SLC9A8: variants seen among roughly 807,000 people sequenced by gnomAD.
SLC9A8 encodes solute carrier family 9 member A8.
SLC9A8 carries 48 observed loss-of-function variants against 66.6 expected under a neutral mutation model. The observed-to-expected ratio is 0.72, with a 90% CI of 0.57 to 0.92. The LOEUF is 0.92. Ranked by LOEUF, SLC9A8 falls within the 40% of genes least tolerant of loss-of-function variation. The pLI is 0.00. For missense variants in SLC9A8, 599 were observed against 747.3 expected (o/e 0.80, Z 2.31); for synonymous variants, 274 against 282.6 (o/e 0.97, Z 0.31).
rs1482185893 is a variant in SLC9A8 at position 49,886,997 on chromosome 20, A to G, written c.1638+99A>G. On this transcript the variant is annotated intron_variant, in intron 15 of 15. Coordinates refer to ENST00000361573, the MANE Select transcript of SLC9A8 (RefSeq NM_015266.3). This position sits in a 1 kb window ranked among gnomAD's most constrained non-coding sequence, Gnocchi z 4.8. ...TGGGGTGGAGGAAGAGTGGGGAGGC[A>G]GGAAAGCTCACGTGGGCCCGCCAGG... 2.1e-6 allele frequency: 3 copies of G among 1,399,858 alleles called. No homozygotes were observed. In the African/African-American group the frequency reaches 4.3e-5, roughly 20 times the overall value. The allele number at this position is 1,399,858 out of a possible 1,614,324, so 86.7% of individuals were successfully genotyped here. A position where few individuals can be genotyped will look rare whatever the true frequency, so the allele number is the denominator to read the frequency against.
At chr20:49,861,578 G>A (rs1202247276) in intron 8 of SLC9A8, among the ~76,000 whole-genome samples, 1 of 152,080 alleles carries the variant, frequency 6.6e-6, no homozygotes, top group Non-Finnish European at 1.5e-5. Context: ...AGGCCACTGA[G>A]TGGACAACGG....
intron 2 of SLC9A8, among the ~76,000 whole-genome samples, chr20:49,821,291 T>G (rs1024560972): frequency 6.6e-6 from 1 of 152,254 alleles, no homozygotes; most frequent in African/African-American, 2.4e-5. Context: ...TTGGTCTATT[T>G]TCTGTCCACT....
At chr20:49,814,443 T>C (rs2086472773) in intron 1 of SLC9A8, among the ~76,000 whole-genome samples, 1 of 152,092 alleles carries the variant, frequency 6.6e-6, no homozygotes, top group Non-Finnish European at 1.5e-5. Flanking sequence ...CCCAGCACAG[T>C]GTGAAAGAGC....
chr20:49,847,952 C>T (rs2088076409), intron 5 of SLC9A8, among the ~76,000 whole-genome samples: 1 of 137,476 alleles, frequency 7.3e-6, no homozygotes, highest in South Asian at 2.3e-4. Flanking sequence ...TCTTGTTGCC[C>T]AGGCTGGAGT....
chr20:49,849,282 T>G (rs905645621), intron 5 of SLC9A8, among the ~76,000 whole-genome samples: 4 of 152,050 alleles, frequency 2.6e-5, no homozygotes, highest in African/African-American at 9.7e-5. Context: ...AGATTTGTCT[T>G]TTGGGAAGAT....
At chr20:49,854,310 A>C in intron 7 of SLC9A8, among the ~76,000 whole-genome samples, 1 of 151,120 alleles carries the variant, frequency 6.6e-6, no homozygotes, top group African/African-American at 2.4e-5. Flanking sequence ...CCTGCCACTC[A>C]CCCCACCCCC....
intron 9 of SLC9A8, chr20:49,863,835 G>A (rs1188399538): frequency 6.6e-6 from 1 of 152,246 alleles, no homozygotes; most frequent in East Asian, 1.9e-4. Flanking sequence ...GTCTCAGGGA[G>A]ATGGCCACCT....
At chr20:49,832,805 A>G (rs368819633) in intron 3 of SLC9A8, among the ~76,000 whole-genome samples, 1 of 152,248 alleles carries the variant, frequency 6.6e-6, no homozygotes, top group East Asian at 1.9e-4. Flanking sequence ...AAGATGTGGT[A>G]ATGTAACCGG....
intron 15 of SLC9A8, among the ~76,000 whole-genome samples, chr20:49,887,486 A>G (rs538068339): frequency 3.3e-5 from 5 of 152,306 alleles, no homozygotes; most frequent in Non-Finnish European, 7.4e-5. Flanking sequence ...TGTCCCTGAC[A>G]GCTGAGGAGA....
In SLC9A8 at chr20:49,817,454, G is replaced by GT. The variant is rs76109874; in HGVS notation, c.208+2282dup. The stretch of plus-strand genomic sequence containing the variant: ...TTTCAGAAAGTTAAAAGGTGCAACT[G>GT]TTTTTTTTTTTTTTTTTATTTCTCT... On this transcript the variant is annotated intron_variant, in intron 2 of 15. Transcript: ENST00000361573. 8.0e-3 allele frequency among the ~76,000 whole-genome samples: 1,053 copies of GT among 132,162 alleles called. 4 individuals carry two copies. The highest frequency in any genetic ancestry group is 0.019 in the African/African-American group (675 of 35,888). The allele number at this position is 132,162 out of a possible 152,430, so 86.7% of individuals were successfully genotyped here. A position where few individuals can be genotyped will look rare whatever the true frequency, so the allele number is the denominator to read the frequency against.
At chr20:49,865,412 G>GTT (rs932831055) in intron 10 of SLC9A8, among the ~76,000 whole-genome samples, 1 of 152,174 alleles carries the variant, frequency 6.6e-6, no homozygotes, top group Non-Finnish European at 1.5e-5. Context: ...CCAGTATTCA[G>GTT]TTTTTTTATG....
chr20:49,847,989 G>A (rs745829225), intron 5 of SLC9A8, among the ~76,000 whole-genome samples: 150 of 141,724 alleles, frequency 1.1e-3, no homozygotes, highest in Middle Eastern at 4.0e-3. Context: ...GGCTCACTGC[G>A]AACTCGGCTC....
intron 3 of SLC9A8, among the ~76,000 whole-genome samples, chr20:49,831,402 A>ACG (rs1022015358): frequency 2.1e-5 from 3 of 142,844 alleles, no homozygotes; most frequent in African/African-American, 7.7e-5. Flanking sequence ...ACACACACAC[A>ACG]CTCTCTCTCT....
At position 49,887,949 on chromosome 20, in the gene SLC9A8, A is replaced by C. The variant is rs2089950723; in HGVS notation, c.*13A>C. The C allele has an allele frequency of 1.9e-6, 3 of 1,605,822 alleles. No individual in the cohort carries two copies. The highest frequency in any genetic ancestry group is 2.7e-5 in the African/African-American group (2 of 74,806). On this transcript the variant is annotated 3_prime_UTR_variant, in exon 16 of 16. Transcript: ENST00000361573. ...GGAGCTGCTCTGACGCCAGGTGCCA[A>C]GGCTTCAGGCAGGCAGGCCCAGGAT... is the stretch of plus-strand genomic sequence containing the variant.
rs758421728 is a variant in SLC9A8 at position 49,812,993 on chromosome 20, C to T, written c.26+45C>T. On this transcript the variant is annotated intron_variant, in intron 1 of 15. Transcript: ENST00000361573. ...GGCGGCGGAGGCGGCGGGGCTGGGC[C>T]CCGGCGGGTGACAGCGAGCGCCTCA... The T allele has an allele frequency of 1.8e-5, 24 of 1,367,728 alleles. No individual in the cohort carries two copies. In the African/African-American group the frequency reaches 2.9e-4, roughly 17 times the overall value. The allele number at this position is 1,367,728 out of a possible 1,614,324, so 84.7% of individuals were successfully genotyped here.
At chr20:49,873,343 G>T (rs148241815) in intron 10 of SLC9A8, among the ~76,000 whole-genome samples, 1 of 151,848 alleles carries the variant, frequency 6.6e-6, no homozygotes, top group South Asian at 2.1e-4. Flanking sequence ...TTAGCTGGGC[G>T]TGGTGGTATG....
intron 10 of SLC9A8, among the ~76,000 whole-genome samples, chr20:49,873,319 C>A (rs2089283198): frequency 6.6e-6 from 1 of 151,530 alleles, no homozygotes; most frequent in Non-Finnish European, 1.5e-5. Context: ...CCCATCTCTA[C>A]AAAAATACAA....
rs745651192 is a variant in SLC9A8, at chr20:49,874,691, C to A, written c.959-14C>A. 1 of 1,490,120 alleles carries A rather than the reference C, an allele frequency of 6.7e-7. No homozygotes were observed. The highest frequency in any genetic ancestry group is 9.4e-7 in the Non-Finnish European group (1 of 1,067,150). 92.3% of individuals were successfully genotyped at this position (1,490,120 alleles called of 1,614,324 possible). A position where few individuals can be genotyped will look rare whatever the true frequency, so the allele number is the denominator to read the frequency against. On this transcript the variant is annotated splice_polypyrimidine_tract_variant and intron_variant, in intron 10 of 15. Coordinates refer to ENST00000361573, the MANE Select transcript of SLC9A8 (RefSeq NM_015266.3). Reference sequence around the variant, plus strand: ...ACACGGCAGTGCTTTCTGTTCTGTTCTCTCCCTCTCTAGGCATCATGGCCA... The same window carrying A: ...ACACGGCAGTGCTTTCTGTTCTGTTATCTCCCTCTCTAGGCATCATGGCCA...
intron 4 of SLC9A8, among the ~76,000 whole-genome samples, chr20:49,843,332 T>A (rs1264231042): frequency 1.3e-5 from 2 of 152,152 alleles, no homozygotes; most frequent in Non-Finnish European, 2.9e-5. Context: ...AATCATGAGC[T>A]TGAGCTTGTT....
Sources: gnomAD v4.1 joint callset for allele counts (sites outside exome capture counted in the v4.1 genomes callset) on GRCh38, gnomAD v4.1.1 for gene constraint, Gnocchi (gnomAD v3.1) non-coding constraint, MANE v1.5 for transcripts, NCBI Gene and HGNC (gene_info 2026-07-23, HGNC 2026-07-21) for gene names.